Variants in PRELID2 observed in about 807,000 individuals in gnomAD.
PRELID2 encodes PRELI domain containing 2, also known as PRELI domain-containing protein 2.
A neutral mutation model predicts 28.4 loss-of-function variants in PRELID2; 25 were observed. The ratio of observed to expected loss-of-function variants is 0.88; its 90% confidence interval spans 0.64 to 1.23. PRELID2 has a LOEUF of 1.23. Among genes scored for constraint, PRELID2 ranks in the 50% most tolerant of loss-of-function variants. The pLI, the probability that PRELID2 is intolerant of heterozygous loss-of-function variation, is 0.00. For missense variants in PRELID2, 201 were observed against 214.4 expected, an observed-to-expected ratio of 0.94 and a Z score of 0.39; for synonymous variants, 76 against 71.6, an observed-to-expected ratio of 1.06 and a Z score of -0.31.
chr5:145,408,438 CATATATATGTATAATATATATGTATA>C, the PRELID2 span, among the ~76,000 whole-genome samples: 1 of 141,942 alleles, frequency 7.0e-6, no homozygotes, highest in Non-Finnish European at 1.5e-5. Context: ...ATATGTATAA[CATATATATGTATAATATATATGTATA>C]ATATATATAT....
intron 1 of PRELID2, among the ~76,000 whole-genome samples, chr5:145,586,340 A>G (rs2149628018): frequency 6.6e-6 from 1 of 152,118 alleles, no homozygotes; most frequent in African/African-American, 2.4e-5. Context: ...CTAACAACTC[A>G]ATATTCATTA....
chr5:145,328,181 T>A, the PRELID2 span, among the ~76,000 whole-genome samples: 1 of 152,200 alleles, frequency 6.6e-6, no homozygotes. Flanking sequence ...ATCCAGTCTA[T>A]CGTTGATGGG....
chr5:145,484,482 C>T (rs1460257871), intron 1 of PRELID2, among the ~76,000 whole-genome samples: 2 of 150,786 alleles, frequency 1.3e-5, no homozygotes, highest in South Asian at 4.1e-4. Flanking sequence ...TTCATTGATT[C>T]CTTATTCATT....
At chr5:145,777,667 C>T (rs1262732226) in intron 5 of PRELID2, among the ~76,000 whole-genome samples, 4 of 152,160 alleles carry the variant, frequency 2.6e-5, no homozygotes, top group Non-Finnish European at 5.9e-5. Context: ...GTGGGAGCCC[C>T]GCCTGCCTGC....
At chr5:145,279,695 T>C in the PRELID2 span, among the ~76,000 whole-genome samples, 1 of 152,172 alleles carries the variant, frequency 6.6e-6, no homozygotes. Flanking sequence ...TTCAATTAAA[T>C]TCATTTTTTG....
the PRELID2 span, among the ~76,000 whole-genome samples, chr5:145,234,441 C>T: frequency 1.8e-4 from 28 of 152,256 alleles, no homozygotes; most frequent in African/African-American, 6.5e-4. Context: ...CCAGGTATGT[C>T]AGTCATTAGT....
intron 1 of PRELID2, among the ~76,000 whole-genome samples, chr5:145,555,373 C>T (rs534029758): frequency 1.3e-5 from 2 of 152,304 alleles, no homozygotes; most frequent in African/African-American, 2.4e-5. Flanking sequence ...TTAAAGATCT[C>T]CAGTGACTCA....
chr5:145,293,401 T>A, the PRELID2 span, among the ~76,000 whole-genome samples: 2 of 152,192 alleles, frequency 1.3e-5, no homozygotes, highest in African/African-American at 4.8e-5. Context: ...TTGGCATAAA[T>A]GTATGTTTTA....
At chr5:145,576,408 G>A (rs1252634986) in intron 1 of PRELID2, among the ~76,000 whole-genome samples, 1 of 152,158 alleles carries the variant, frequency 6.6e-6, no homozygotes. Flanking sequence ...TGCTTACCAC[G>A]TTTTCAAGGC....
rs181732940 is a variant in PRELID2 at position 145,507,772 on chromosome 5, C to T, written n.71-34457G>A. The stretch of plus-strand genomic sequence containing the variant: ...ATATGGCCACACCTTTCTATCAGAC[C>T]CTAATAAAATTCTGTTTTGGAGACA... On this transcript the variant is annotated intron_variant and non_coding_transcript_variant, in intron 1 of 2. Coordinates refer to the PRELID2 transcript ENST00000510259. Among the ~76,000 whole-genome samples, 1,063 of 152,232 alleles carry T rather than the reference C, an allele frequency of 7.0e-3. 12 individuals carry two copies. The highest frequency in any genetic ancestry group is 8.3e-3 in the Non-Finnish European group (567 of 68,024).
At chr5:145,391,600 A>G in the PRELID2 span, among the ~76,000 whole-genome samples, 3 of 151,404 alleles carry the variant, frequency 2.0e-5, no homozygotes, top group Admixed American at 6.6e-5. Flanking sequence ...TATTTTCCCC[A>G]TTGTCTTGGT....
intron 1 of PRELID2, among the ~76,000 whole-genome samples, chr5:145,573,908 T>C (rs1004121669): frequency 5.9e-5 from 9 of 152,204 alleles, no homozygotes; most frequent in Non-Finnish European, 1.3e-4. Flanking sequence ...TACCATTTTA[T>C]AAACTCTGCA....
At chr5:145,781,583 T>C (rs1197897458) in intron 5 of PRELID2, among the ~76,000 whole-genome samples, 1 of 148,524 alleles carries the variant, frequency 6.7e-6, no homozygotes, top group East Asian at 2.0e-4. Flanking sequence ...TGTGTGTGTA[T>C]ATAGATATAT....
intron 1 of PRELID2, among the ~76,000 whole-genome samples, chr5:145,550,943 G>C (rs1752827895): frequency 6.6e-6 from 1 of 152,076 alleles, no homozygotes; most frequent in South Asian, 2.1e-4. Context: ...AATTTGAATG[G>C]TAAATACCAT....
chr5:145,322,134 A>G, the PRELID2 span, among the ~76,000 whole-genome samples: 1 of 152,238 alleles, frequency 6.6e-6, no homozygotes, highest in Non-Finnish European at 1.5e-5. Context: ...TAATTCAAAA[A>G]TGGCTAGAAA....
intron 1 of PRELID2, among the ~76,000 whole-genome samples, chr5:145,741,212 T>C (rs1756713380): frequency 6.9e-5 from 2 of 28,884 alleles, no homozygotes; most frequent in South Asian, 9.5e-4. Flanking sequence ...TATAAATATA[T>C]ATAAAATATA....
At chr5:145,338,778 C>G in the PRELID2 span, among the ~76,000 whole-genome samples, 1 of 152,174 alleles carries the variant, frequency 6.6e-6, no homozygotes, top group Non-Finnish European at 1.5e-5. Context: ...CAATATCACA[C>G]AGCAATTAAT....
In PRELID2 at chr5:145,564,478, T is replaced by C. The variant is rs1311389039; in HGVS notation, n.71-91163A>G. On this transcript the variant is annotated intron_variant and non_coding_transcript_variant, in intron 1 of 2. Transcript: ENST00000510259. ...TAGGATGCTTGTCCTGAACTCTTGG[T>C]ACAGCTGGCTCCCTCTCATCTCCAG... 3.3e-5 allele frequency among the ~76,000 whole-genome samples: 5 copies of C among 152,336 alleles called. No individual in the cohort carries two copies. The East Asian group carries it at 9.7e-4, about 29-fold the overall frequency.
downstream of PRELID2, among the ~76,000 whole-genome samples, chr5:145,471,109 AC>A (rs1410734029): frequency 6.6e-6 from 1 of 152,086 alleles, no homozygotes; most frequent in Non-Finnish European, 1.5e-5. Context: ...TGGATAAAAC[AC>A]CTTAGAATTA....
Sources: allele counts gnomAD v4.1 joint callset (sites outside exome capture counted in the v4.1 genomes callset), GRCh38; gene constraint gnomAD v4.1.1; transcripts MANE v1.5; gene names NCBI Gene and HGNC (gene_info 2026-07-23, HGNC 2026-07-21).